CDC42BPB: variants seen among roughly 807,000 people sequenced by gnomAD.
The protein encoded by CDC42BPB is CDC42 binding protein kinase beta, also known as serine/threonine-protein kinase MRCK beta.
CDC42BPB carries 37 observed loss-of-function variants against 214.9 expected under a neutral mutation model. The ratio of observed to expected loss-of-function variants is 0.17; its 90% CI spans 0.13 to 0.23. CDC42BPB has a LOEUF of 0.23. Among genes scored for constraint, CDC42BPB ranks in the 10% least tolerant of loss-of-function variants. The probability of loss-of-function intolerance (pLI) is 1.00; values close to 1 mark genes in which losing one functional copy is unlikely to be tolerated. For missense variants in CDC42BPB, 1,694 were observed against 2,227.0 expected (o/e 0.76, Z 4.82); for synonymous variants, 931 against 884.0 (o/e 1.05, Z -0.94).
intron 19 of CDC42BPB, 148 bp from the exon 20 acceptor site, chr14:102,963,303 G>T (rs1893041553): frequency 3.6e-6 from 5 of 1,376,758 alleles, no homozygotes. Context: ...CCTTTCTACT[G>T]CAAACACCAT....
chr14:103,002,974 G>T (rs1016878951), intron 4 of CDC42BPB, among the ~76,000 whole-genome samples: 1 of 152,106 alleles, frequency 6.6e-6, no homozygotes, highest in Non-Finnish European at 1.5e-5. Context: ...TGAATGGAAG[G>T]ATCCCACACT....
chr14:102,955,012 T>C (rs1442311980), intron 21 of CDC42BPB, among the ~76,000 whole-genome samples: 2 of 152,070 alleles, frequency 1.3e-5, no homozygotes, highest in African/African-American at 4.8e-5. Context: ...GCCCTGAGCA[T>C]ACCCGCCCCC....
Position 103,057,427 on chromosome 14 carries a change from T to C in CDC42BPB, c.-254A>G. On this transcript the variant is annotated 5_prime_UTR_variant, in exon 1 of 37. Transcript: ENST00000361246. Reference sequence around the variant, plus strand: ...CCCTCGGCGCCGCCGCCCTCCCAGCTCGGGCGGCCCGCCCCCGCCGCCCTC... The same window carrying C: ...CCCTCGGCGCCGCCGCCCTCCCAGCCCGGGCGGCCCGCCCCCGCCGCCCTC... 7 of 596,854 alleles carry C rather than the reference T, an allele frequency of 1.2e-5. No homozygotes were observed. The highest frequency in any genetic ancestry group is 1.5e-5 in the Non-Finnish European group (7 of 478,122). 37.0% of individuals were successfully genotyped at this position (596,854 alleles called of 1,614,324 possible).
At chr14:102,992,093 C>T (rs984584925) in intron 5 of CDC42BPB, among the ~76,000 whole-genome samples, 3 of 152,062 alleles carry the variant, frequency 2.0e-5, no homozygotes, top group Admixed American at 1.3e-4. Flanking sequence ...GAAAGTTCTG[C>T]ATAGCACTGT....
chr14:102,952,376 C>G, intron 24 of CDC42BPB, 122 bp downstream of exon 24: 1 of 634,082 alleles, frequency 1.6e-6, no homozygotes. Context: ...CAAATCATGC[C>G]AATGACATTT....
intron 22 of CDC42BPB, 101 bp downstream of exon 22, chr14:102,954,501 C>T (rs1225239953): frequency 8.7e-6 from 12 of 1,376,240 alleles, no homozygotes; most frequent in African/African-American, 1.4e-5. Context: ...CAGAGGCCCT[C>T]GCTGCAAACT....
intron 9 of CDC42BPB, 55 bp from the exon 10 acceptor site, chr14:102,976,104 T>C: frequency 2.5e-6 from 4 of 1,592,278 alleles, no homozygotes; most frequent in Non-Finnish European, 3.4e-6. Flanking sequence ...GCGATTTCAT[T>C]AGCATTTTCA....
intron 33 of CDC42BPB, 42 bp from the exon 34 acceptor site, chr14:102,939,769 A>C (rs1891805015): frequency 1.9e-6 from 3 of 1,613,922 alleles, no homozygotes; most frequent in Non-Finnish European, 2.5e-6. Context: ...GATACGTGAG[A>C]ATCCTCTTGG....
At chr14:102,996,064 T>G (rs561742423) in intron 5 of CDC42BPB, among the ~76,000 whole-genome samples, 1 of 152,114 alleles carries the variant, frequency 6.6e-6, no homozygotes, top group Non-Finnish European at 1.5e-5. Context: ...ATTAAGAGAA[T>G]GAGGATGGCT....
rs529970624 is a variant in CDC42BPB, at chr14:102,971,783, G to A, written c.1884+136C>T. 70 of 809,074 alleles carry A rather than the reference G, an allele frequency of 8.7e-5. 1 individual carries two copies. Among genetic ancestry groups the A allele is most frequent in the Admixed American group, 4.2e-4 (18 of 42,540 alleles). 50.1% of individuals were successfully genotyped at this position (809,074 alleles called of 1,614,324 possible). A position where few individuals can be genotyped will look rare whatever the true frequency, so the allele number is the denominator to read the frequency against. On this transcript the variant is annotated intron_variant, in intron 13 of 36. Transcript: ENST00000361246. The stretch of plus-strand genomic sequence containing the variant: ...AATGAGAACAACAAAATAAATGCTC[G>A]GCCGATCAACTTACTTGGCTCCACA...
chr14:102,953,068 C>A (rs576025306), intron 23 of CDC42BPB, among the ~76,000 whole-genome samples: 2 of 152,246 alleles, frequency 1.3e-5, no homozygotes, highest in Admixed American at 1.3e-4. Flanking sequence ...GAAAGGCTCA[C>A]GGTCCCTCAT....
At chr14:103,047,880 G>A (rs1373149916) in intron 1 of CDC42BPB, among the ~76,000 whole-genome samples, 6 of 133,556 alleles carry the variant, frequency 4.5e-5, no homozygotes, top group African/African-American at 1.8e-4. Flanking sequence ...TCCAGCCTGG[G>A]CAACAGAGCA....
intron 1 of CDC42BPB, among the ~76,000 whole-genome samples, chr14:103,053,586 C>T (rs986193754): frequency 1.6e-4 from 24 of 151,050 alleles, no homozygotes; most frequent in African/African-American, 5.3e-4. Flanking sequence ...ACGGTGAAAC[C>T]CCGTCTCTAC....
In CDC42BPB at chr14:102,980,784, G is replaced by C. The variant is rs758348207; in HGVS notation, c.1129C>G (p.Leu377Val). The C allele has an allele frequency of 6.2e-7, 1 of 1,614,124 alleles. No individual in the cohort carries two copies. Among genetic ancestry groups the C allele is most frequent in the Admixed American group, 1.7e-5 (1 of 60,020 alleles). Reference sequence around the variant, plus strand: ...GCTTTCACACTCACCGTGTTTCTCAGCACGTCGTCATCCACGTCGAAGTTG... The same window carrying C: ...GCTTTCACACTCACCGTGTTTCTCACCACGTCGTCATCCACGTCGAAGTTG... ...TSNFDVDDDV[L>V]RNTEILPPGS... The change falls in exon 8 of 37, where the codon CTG (leucine) becomes GTG (valine). Residue 377 changes from leucine (L) to valine (V), a missense_variant. Transcript: ENST00000361246.
chr14:102,975,339 C>T (rs1893688122), intron 11 of CDC42BPB, among the ~76,000 whole-genome samples: 2 of 152,174 alleles, frequency 1.3e-5, no homozygotes. Flanking sequence ...GCCTGGCCAA[C>T]ATGGTGAAAC....
intron 34 of CDC42BPB, among the ~76,000 whole-genome samples, chr14:102,939,107 C>T (rs968092404): frequency 4.6e-5 from 7 of 151,700 alleles, no homozygotes; most frequent in African/African-American, 1.7e-4. Context: ...CAGCTAATTT[C>T]TTTTTGTATT....
chr14:103,045,231 C>T (rs544637488), intron 1 of CDC42BPB, among the ~76,000 whole-genome samples: 20 of 152,148 alleles, frequency 1.3e-4, no homozygotes, highest in African/African-American at 3.4e-4. Flanking sequence ...CTTTGCACCT[C>T]GCTACGTTAT....
intron 11 of CDC42BPB, 70 bp from the exon 12 acceptor site, chr14:102,974,219 A>C: frequency 6.5e-7 from 1 of 1,548,952 alleles, no homozygotes; most frequent in Non-Finnish European, 8.7e-7. Flanking sequence ...ATGTTAGCTG[A>C]CTTACTGACA....
At chr14:103,055,293 C>T (rs770950643) in intron 1 of CDC42BPB, among the ~76,000 whole-genome samples, 20 of 152,224 alleles carry the variant, frequency 1.3e-4, no homozygotes, top group Admixed American at 6.5e-5. Flanking sequence ...CATGCTGGTG[C>T]GTGCCTGTAG....
Sources: gnomAD v4.1 joint callset for allele counts (sites outside exome capture counted in the v4.1 genomes callset) on GRCh38, gnomAD v4.1.1 for gene constraint, MANE v1.5 for transcripts, NCBI Gene and HGNC (gene_info 2026-07-23, HGNC 2026-07-21) for gene names.